Variants in GRIK1 observed in about 807,000 individuals in gnomAD.
GRIK1 encodes glutamate receptor ionotropic, kainate 1.
GRIK1 carries 69 observed loss-of-function variants against 105.7 expected under a neutral mutation model. The observed-to-expected ratio is 0.65, with a 90% CI of 0.54 to 0.80. GRIK1 has a LOEUF of 0.80. Ranked by LOEUF, GRIK1 falls within the 30% of genes least tolerant of loss-of-function variation. GRIK1 has a pLI of 0.00. For missense variants in GRIK1, 1,109 were observed against 1,167.3 expected, an observed-to-expected ratio of 0.95 and a Z score of 0.73; for synonymous variants, 438 against 431.3, an observed-to-expected ratio of 1.02 and a Z score of -0.19.
intron 14 of GRIK1, 64 bp downstream of exon 14, chr21:29,576,900 A>C: frequency 1.2e-6 from 1 of 811,168 alleles, no homozygotes; most frequent in Non-Finnish European, 1.9e-6. Flanking sequence ...TTTTTTCGAC[A>C]GATTCTTTTA....
rs757244910 is a variant in GRIK1, at chr21:29,694,052, C to A, written c.130G>T (p.Glu44Ter). 1.3e-6 allele frequency: 2 copies of A among 1,575,376 alleles called. No individual in the cohort carries two copies. The highest frequency in any genetic ancestry group is 1.7e-6 in the Non-Finnish European group (2 of 1,154,210). The part of the protein sequence containing the change: ...PQVLRIGGIF[E>*]TVENEPVNVE... ...TTAACAGGCTCATTTTCCACTGTTT[C>A]AAAAATCCCTCCTGCAGAAGCAAAA... is the stretch of plus-strand genomic sequence containing the variant. Residue 44 changes from glutamate (E) to a stop codon, truncating the protein, a stop_gained, in exon 2 of 18, where the codon GAA (glutamate) becomes TAA (stop). Transcript: ENST00000327783. LOFTEE classifies it high-confidence loss of function.
At chr21:29,545,864 C>G (rs1036994462) in intron 16 of GRIK1, among the ~76,000 whole-genome samples, 5 of 152,148 alleles carry the variant, frequency 3.3e-5, no homozygotes, top group Non-Finnish European at 5.9e-5. Flanking sequence ...TTAGAGGTTC[C>G]CCATCTGCTA....
At chr21:29,704,212 G>T (rs920453605) in intron 1 of GRIK1, among the ~76,000 whole-genome samples, 16 of 152,174 alleles carry the variant, frequency 1.1e-4, no homozygotes, top group Non-Finnish European at 1.8e-4. Flanking sequence ...AAAGATGCTT[G>T]GTTCCTGCCC....
intron 1 of GRIK1, among the ~76,000 whole-genome samples, chr21:29,711,963 C>A (rs1411002587): frequency 6.6e-6 from 1 of 151,722 alleles, no homozygotes; most frequent in African/African-American, 2.4e-5. Context: ...ATCTACAATT[C>A]TAGTACCTAG....
intron 4 of GRIK1, among the ~76,000 whole-genome samples, chr21:29,660,122 G>C (rs1369770746): frequency 3.3e-5 from 5 of 152,180 alleles, no homozygotes; most frequent in African/African-American, 1.2e-4. Context: ...TCCCACATTG[G>C]TCCAGCTGCT....
chr21:29,792,821 T>TGTAAATGTA lies in GRIK1; in HGVS notation c.119-98759_119-98758insTACATTTAC, dbSNP rs1398231610. On this transcript the variant is annotated intron_variant, in intron 1 of 17. Transcript: ENST00000327783. ...GACAGTACAAACGTAAACAACCTCA[T>TGTAAATGTA]TAGCAGCTCTTACCAAATGTAAATG... 1.6e-4 allele frequency among the ~76,000 whole-genome samples: 25 copies of TGTAAATGTA among 152,314 alleles called. No individual in the cohort carries two copies. The South Asian group carries it at 2.9e-3, about 18-fold the overall frequency.
intron 1 of GRIK1, among the ~76,000 whole-genome samples, chr21:29,773,599 G>A (rs181259614): frequency 1.3e-5 from 2 of 151,968 alleles, no homozygotes; most frequent in East Asian, 1.9e-4. Flanking sequence ...AGATCATCCC[G>A]CTTGGATTCC....
intron 1 of GRIK1, among the ~76,000 whole-genome samples, chr21:29,778,477 C>A (rs2066005278): frequency 6.6e-6 from 1 of 152,186 alleles, no homozygotes; most frequent in Non-Finnish European, 1.5e-5. Flanking sequence ...GCTGGGACTC[C>A]TTCATGAAAG....
chr21:29,597,130 G>A (rs363466), intron 8 of GRIK1, among the ~76,000 whole-genome samples: 5,132 of 152,264 alleles, frequency 0.034, 137 homozygotes, highest in Non-Finnish European at 0.05. Flanking sequence ...GACATAAAAA[G>A]ATTGGGCATT....
chr21:29,822,591 T>C (rs1333860321), intron 1 of GRIK1, among the ~76,000 whole-genome samples: 1 of 152,142 alleles, frequency 6.6e-6, no homozygotes, highest in Non-Finnish European at 1.5e-5. Context: ...TAAGTAAATG[T>C]TACATGCACA....
At chr21:29,682,642 T>G (rs150228517) in intron 3 of GRIK1, among the ~76,000 whole-genome samples, 3,467 of 152,292 alleles carry the variant, frequency 0.023, 119 homozygotes, top group African/African-American at 0.078. Flanking sequence ...CAAGATGAAT[T>G]AAAGATTTAA....
chr21:29,791,633 A>G (rs1406498361), intron 1 of GRIK1, among the ~76,000 whole-genome samples: 1 of 152,172 alleles, frequency 6.6e-6, no homozygotes, highest in African/African-American at 2.4e-5. Context: ...CTTGGCAAAG[A>G]AGGAAAATTT....
In GRIK1 at chr21:29,746,929, G is replaced by A. The variant is rs557650019; in HGVS notation, c.119-52866C>T. On this transcript the variant is annotated intron_variant, in intron 1 of 17. Transcript: ENST00000327783. ...CAAAAGGAAAAAGTATCACTTTTAG[G>A]TAGCCATTTTCTACACCTCAATCAG... is the stretch of plus-strand genomic sequence containing the variant. Among the ~76,000 whole-genome samples, 247 of 152,208 alleles carry A rather than the reference G, an allele frequency of 1.6e-3. 3 individuals carry two copies. The highest frequency in any genetic ancestry group is 5.4e-3 in the African/African-American group (226 of 41,532).
intron 1 of GRIK1, among the ~76,000 whole-genome samples, chr21:29,833,961 A>G (rs1281722802): frequency 1.3e-5 from 2 of 152,160 alleles, no homozygotes; most frequent in African/African-American, 2.4e-5. Flanking sequence ...ACATAAATAC[A>G]ATTTTATGTA....
chr21:29,861,322 T>C (rs1601877833), intron 1 of GRIK1, among the ~76,000 whole-genome samples: 1 of 152,272 alleles, frequency 6.6e-6, no homozygotes, highest in East Asian at 1.9e-4. Context: ...TTTTTTTCTT[T>C]TGGAGACAGG....
At chr21:29,824,663 A>C (rs1293190822) in intron 1 of GRIK1, among the ~76,000 whole-genome samples, 1 of 152,026 alleles carries the variant, frequency 6.6e-6, no homozygotes, top group Non-Finnish European at 1.5e-5. Context: ...AAGTAAGTTG[A>C]AAAGACTGCA....
intron 1 of GRIK1, among the ~76,000 whole-genome samples, chr21:29,734,141 T>C (rs2064708367): frequency 6.6e-6 from 1 of 152,108 alleles, no homozygotes; most frequent in African/African-American, 2.4e-5. Context: ...TGAAGAGGCT[T>C]ATTTAATCTG....
At chr21:29,686,624 G>C (rs974257479) in intron 3 of GRIK1, among the ~76,000 whole-genome samples, 1 of 152,232 alleles carries the variant, frequency 6.6e-6, no homozygotes, top group Non-Finnish European at 1.5e-5. Flanking sequence ...AACACACTGG[G>C]TCCATTCGTT....
intron 1 of GRIK1, among the ~76,000 whole-genome samples, chr21:29,725,595 G>T (rs2064436864): frequency 6.6e-6 from 1 of 152,206 alleles, no homozygotes; most frequent in Non-Finnish European, 1.5e-5. Flanking sequence ...ACCAGGTGTA[G>T]CCATAATGTA....
Sources: allele counts gnomAD v4.1 joint callset (sites outside exome capture counted in the v4.1 genomes callset), GRCh38; gene constraint gnomAD v4.1.1; transcripts MANE v1.5; gene names NCBI Gene and HGNC (gene_info 2026-07-23, HGNC 2026-07-21).